BBOX1: variants seen among roughly 807,000 people sequenced by gnomAD.
BBOX1 encodes the protein gamma-butyrobetaine hydroxylase 1.
In BBOX1, 35 loss-of-function variants were observed where a neutral mutation model predicts 41.6. The observed-to-expected ratio is 0.84, with a 90% CI of 0.64 to 1.11. The LOEUF is 1.11. Ranked by LOEUF, BBOX1 falls within the 50% of genes most tolerant of loss-of-function variation. The probability of loss-of-function intolerance (pLI) is 0.00; values close to 1 mark genes in which losing one functional copy is unlikely to be tolerated. For missense variants in BBOX1, 458 were observed against 460.6 expected (o/e 0.99, Z 0.05); for synonymous variants, 163 against 154.7 (o/e 1.05, Z -0.40).
intron 7 of BBOX1, among the ~76,000 whole-genome samples, chr11:27,121,251 T>C (rs756070823): frequency 6.6e-6 from 1 of 152,096 alleles, no homozygotes; most frequent in African/African-American, 2.4e-5. Flanking sequence ...GAGACCAGTG[T>C]GACTGGAACA....
At chr11:27,076,455 G>A (rs891851824) in intron 4 of BBOX1, among the ~76,000 whole-genome samples, 4 of 152,174 alleles carry the variant, frequency 2.6e-5, no homozygotes, top group African/African-American at 9.7e-5. Flanking sequence ...TCTCCTTCTT[G>A]AGCACTGTGT....
At chr11:27,073,042 A>G (rs1230440872) in intron 4 of BBOX1, among the ~76,000 whole-genome samples, 1 of 152,204 alleles carries the variant, frequency 6.6e-6, no homozygotes, top group Non-Finnish European at 1.5e-5. Context: ...AGCAATGGCA[A>G]CAAAAGCCAA....
intron 5 of BBOX1, among the ~76,000 whole-genome samples, chr11:27,113,864 G>A (rs892086887): frequency 2.0e-5 from 3 of 150,514 alleles, no homozygotes; most frequent in Non-Finnish European, 4.4e-5. Flanking sequence ...AAAAATGCTA[G>A]CTTTCACCAT....
intron 5 of BBOX1, among the ~76,000 whole-genome samples, chr11:27,095,572 A>G (rs941432391): frequency 3.3e-5 from 5 of 151,958 alleles, no homozygotes; most frequent in African/African-American, 1.2e-4. Context: ...TCCTTAGATT[A>G]TCACATTTCT....
intron 7 of BBOX1, among the ~76,000 whole-genome samples, chr11:27,120,434 A>G (rs536030052): frequency 6.6e-6 from 1 of 152,228 alleles, no homozygotes; most frequent in African/African-American, 2.4e-5. Flanking sequence ...CTGATTGTCC[A>G]TGCCTGGATC....
intron 5 of BBOX1, among the ~76,000 whole-genome samples, chr11:27,102,610 A>G (rs573135785): frequency 6.6e-6 from 1 of 152,072 alleles, no homozygotes; most frequent in East Asian, 2.0e-4. Flanking sequence ...GTTTTTCAAT[A>G]TCTTTTTTTC....
At chr11:27,108,327 T>G (rs1021108490) in intron 5 of BBOX1, among the ~76,000 whole-genome samples, 1 of 152,116 alleles carries the variant, frequency 6.6e-6, no homozygotes, top group Non-Finnish European at 1.5e-5. Context: ...AAAAAGAATG[T>G]AGGTGAATCA....
At chr11:27,072,638 G>C (rs1033780308) in intron 4 of BBOX1, among the ~76,000 whole-genome samples, 1 of 152,142 alleles carries the variant, frequency 6.6e-6, no homozygotes, top group African/African-American at 2.4e-5. Context: ...AAAGAACAAA[G>C]TGGCAGGCAT....
intron 5 of BBOX1, among the ~76,000 whole-genome samples, chr11:27,110,349 C>T (rs1859014322): frequency 6.6e-6 from 1 of 151,868 alleles, no homozygotes; most frequent in South Asian, 2.1e-4. Flanking sequence ...AGTGGCTTCC[C>T]ATCACATGTA....
At chr11:27,116,092 C>G (rs368496154) in intron 6 of BBOX1, among the ~76,000 whole-genome samples, 1 of 151,926 alleles carries the variant, frequency 6.6e-6, no homozygotes. Context: ...CAATGACAGA[C>G]TGGATAAAGA....
intron 6 of BBOX1, among the ~76,000 whole-genome samples, chr11:27,116,251 T>C (rs2218316): frequency 0.95 from 143,922 of 151,806 alleles, 68,336 homozygotes; most frequent in African/African-American, 0.98. Flanking sequence ...TGTTCTCGCC[T>C]ATAAGTGGGA....
intron 7 of BBOX1, among the ~76,000 whole-genome samples, chr11:27,124,236 T>C (rs780805632): frequency 2.6e-5 from 4 of 152,188 alleles, no homozygotes; most frequent in African/African-American, 2.4e-5. Context: ...TGGCTCTCAT[T>C]AGCACTTCCT....
chr11:27,089,156 AG>A (rs1590202720), intron 4 of BBOX1, among the ~76,000 whole-genome samples: 1 of 151,272 alleles, frequency 6.6e-6, no homozygotes, highest in East Asian at 2.0e-4. Context: ...TATCTAGTGC[AG>A]TACCAGTCAC....
intron 4 of BBOX1, among the ~76,000 whole-genome samples, chr11:27,071,613 CA>C (rs367572400): frequency 6.6e-6 from 1 of 151,128 alleles, no homozygotes; most frequent in Non-Finnish European, 1.5e-5. Flanking sequence ...GTGGCACCAA[CA>C]AAAAAAAGAG....
At chr11:27,062,749 G>A (rs1564958418) in intron 4 of BBOX1, among the ~76,000 whole-genome samples, 3 of 152,112 alleles carry the variant, frequency 2.0e-5, no homozygotes, top group Admixed American at 1.3e-4. Flanking sequence ...TTTTAGTAGA[G>A]ATGGGGTTTC....
At chr11:27,110,674 T>G (rs1335264854) in intron 5 of BBOX1, among the ~76,000 whole-genome samples, 1 of 151,930 alleles carries the variant, frequency 6.6e-6, no homozygotes, top group Non-Finnish European at 1.5e-5. Context: ...TAATAATACT[T>G]CTCTGACCCC....
At chr11:27,051,793 G>T (rs1217774190) in intron 2 of BBOX1, among the ~76,000 whole-genome samples, 2 of 151,500 alleles carry the variant, frequency 1.3e-5, no homozygotes, top group South Asian at 2.1e-4. Flanking sequence ...ATTTATTTCT[G>T]CTCTAATCTT....
intron 3 of BBOX1, among the ~76,000 whole-genome samples, chr11:27,056,119 A>G (rs1226662768): frequency 6.6e-6 from 1 of 152,190 alleles, no homozygotes; most frequent in Non-Finnish European, 1.5e-5. Flanking sequence ...CCTGAAAAAA[A>G]TGAGAATAAT....
chr11:27,088,123 A>T (rs1461510055), intron 4 of BBOX1, among the ~76,000 whole-genome samples: 1 of 152,078 alleles, frequency 6.6e-6, no homozygotes, highest in African/African-American at 2.4e-5. Flanking sequence ...AAAAAAGCTC[A>T]TATAGAAACA....
Sources: allele counts gnomAD v4.1 joint callset (sites outside exome capture counted in the v4.1 genomes callset), GRCh38; gene constraint gnomAD v4.1.1; transcripts MANE v1.5; gene names NCBI Gene and HGNC (gene_info 2026-07-23, HGNC 2026-07-21).